Variants in RANBP2 observed in about 807,000 individuals in gnomAD.
RANBP2 encodes E3 SUMO-protein ligase RanBP2.
A neutral mutation model predicts 303.6 loss-of-function variants in RANBP2; 57 were observed. The observed-to-expected ratio is 0.19, with a 90% CI of 0.15 to 0.23. The LOEUF is 0.23. Among genes scored for constraint, RANBP2 ranks in the 10% least tolerant of loss-of-function variants. The probability of loss-of-function intolerance (pLI) is 1.00; values close to 1 mark genes in which losing one functional copy is unlikely to be tolerated. For missense variants in RANBP2, 3,138 were observed against 3,780.8 expected (o/e 0.83, Z 4.46); for synonymous variants, 1,167 against 1,301.5 (o/e 0.90, Z 2.23).
At chr2:109,211,648 CTT>C in the RANBP2 span, among the ~76,000 whole-genome samples, 8 of 142,534 alleles carry the variant, frequency 5.6e-5, no homozygotes, top group Non-Finnish European at 6.1e-5. Context: ...GCATTTCTTT[CTT>C]TTTTTTTTTT....
rs975092023 is a variant in RANBP2 at position 108,777,290 on chromosome 2, A to C, written c.8599+59A>C. 2.0e-6 allele frequency: 3 copies of C among 1,499,496 alleles called. No individual in the cohort carries two copies. The African/African-American group carries it at 4.2e-5, about 21-fold the overall frequency. 92.9% of individuals were successfully genotyped at this position (1,499,496 alleles called of 1,614,324 possible). A position where few individuals can be genotyped will look rare whatever the true frequency, so the allele number is the denominator to read the frequency against. ...GTTACAGAATCAAGCACAACTGAAA[A>C]ACTAGTTTTTTGTTGCAGTATATAA... On this transcript the variant is annotated intron_variant, in intron 25 of 28. Transcript: ENST00000283195.
chr2:109,506,640 G>A, the RANBP2 span, among the ~76,000 whole-genome samples: 1 of 152,210 alleles, frequency 6.6e-6, no homozygotes. Flanking sequence ...CCCGAAGTGT[G>A]GTTCGTATCA....
chr2:108,980,511 T>A, the RANBP2 span, among the ~76,000 whole-genome samples: 1 of 152,268 alleles, frequency 6.6e-6, no homozygotes, highest in East Asian at 1.9e-4. Context: ...ATTATGTGTG[T>A]ATGTATATAT....
chr2:108,815,918 A>G, the RANBP2 span: 1 of 1,573,974 alleles, frequency 6.4e-7, no homozygotes, highest in South Asian at 1.2e-5. Context: ...ACTGAAATAA[A>G]TGATTTAATT....
At chr2:109,719,492 T>C in the RANBP2 span, among the ~76,000 whole-genome samples, 6 of 149,874 alleles carry the variant, frequency 4.0e-5, no homozygotes, top group Admixed American at 4.0e-4. Flanking sequence ...CTGCAACCTC[T>C]GGCTCCCCGG....
the RANBP2 span, among the ~76,000 whole-genome samples, chr2:109,091,275 A>G: frequency 6.6e-6 from 1 of 152,086 alleles, no homozygotes; most frequent in Admixed American, 6.5e-5. Context: ...ATAAAAATAG[A>G]TTAATCTTGT....
the RANBP2 span, among the ~76,000 whole-genome samples, chr2:109,559,549 T>C: frequency 6.6e-6 from 1 of 152,218 alleles, no homozygotes; most frequent in Admixed American, 6.5e-5. Context: ...GCTCAGCAAA[T>C]GGATGTGATG....
the RANBP2 span, among the ~76,000 whole-genome samples, chr2:109,541,904 G>T: frequency 6.6e-6 from 1 of 152,162 alleles, no homozygotes; most frequent in Non-Finnish European, 1.5e-5. Context: ...CCATTTCCTG[G>T]CCCAATAGGA....
chr2:109,031,701 C>T, the RANBP2 span, among the ~76,000 whole-genome samples: 1 of 152,196 alleles, frequency 6.6e-6, no homozygotes. Context: ...GGGCCGGGCT[C>T]TGCCGGTGGC....
At chr2:109,438,273 G>A in the RANBP2 span, among the ~76,000 whole-genome samples, 1 of 152,108 alleles carries the variant, frequency 6.6e-6, no homozygotes, top group Non-Finnish European at 1.5e-5. Flanking sequence ...CAGGTATCCA[G>A]TGCCCAGCAT....
the RANBP2 span, among the ~76,000 whole-genome samples, chr2:109,047,192 TG>T: frequency 6.6e-6 from 1 of 152,114 alleles, no homozygotes; most frequent in Admixed American, 6.5e-5. Flanking sequence ...CCTGCTCCCC[TG>T]GGCCTCAACA....
the RANBP2 span, among the ~76,000 whole-genome samples, chr2:109,025,892 T>C: frequency 3.0e-4 from 45 of 152,266 alleles, no homozygotes; most frequent in Admixed American, 1.8e-3. Flanking sequence ...GATTTCTAGT[T>C]TTTCACAGAG....
the RANBP2 span, among the ~76,000 whole-genome samples, chr2:109,649,828 C>T: frequency 1.3e-5 from 2 of 152,172 alleles, no homozygotes; most frequent in African/African-American, 4.8e-5. Context: ...TTCTAGAACA[C>T]AAATTTTCTT....
chr2:108,913,185 G>A, the RANBP2 span, among the ~76,000 whole-genome samples: 1 of 152,202 alleles, frequency 6.6e-6, no homozygotes, highest in Admixed American at 6.5e-5. Context: ...TCCTGACCTT[G>A]TGATCTGCCC....
chr2:109,567,678 T>C, the RANBP2 span: 4 of 819,146 alleles, frequency 4.9e-6, no homozygotes, highest in Non-Finnish European at 7.3e-6. Flanking sequence ...TTTCTCATAC[T>C]GGACTTTTTG....
the RANBP2 span, among the ~76,000 whole-genome samples, chr2:109,180,434 C>T: frequency 2.0e-5 from 3 of 152,288 alleles, no homozygotes; most frequent in East Asian, 1.9e-4. Context: ...ACTGGCTCCT[C>T]AGGGGTCAGG....
the RANBP2 span, among the ~76,000 whole-genome samples, chr2:109,120,635 C>T: frequency 6.9e-6 from 1 of 145,642 alleles, no homozygotes; most frequent in Non-Finnish European, 1.5e-5. Context: ...CCATTGCACT[C>T]CAGCCTGGGC....
chr2:109,501,764 T>C, the RANBP2 span: 3 of 655,306 alleles, frequency 4.6e-6, no homozygotes, highest in Non-Finnish European at 8.3e-6. Flanking sequence ...CCCCAAGGGT[T>C]CCAGGTCATC....
At chr2:109,184,566 T>C in the RANBP2 span, among the ~76,000 whole-genome samples, 2 of 152,218 alleles carry the variant, frequency 1.3e-5, no homozygotes, top group African/African-American at 4.8e-5. Flanking sequence ...TGAGCCCCTC[T>C]GATCCAGGTT....
Sources: gnomAD v4.1 joint callset for allele counts (sites outside exome capture counted in the v4.1 genomes callset) on GRCh38, gnomAD v4.1.1 for gene constraint, MANE v1.5 for transcripts, NCBI Gene and HGNC (gene_info 2026-07-23, HGNC 2026-07-21) for gene names.